CFAP47: variants seen among roughly 807,000 people sequenced by gnomAD.
The protein encoded by CFAP47 is cilia and flagella associated protein 47.
Under a neutral mutation model 148.1 loss-of-function variants are expected in CFAP47, and 29 were observed. The ratio of observed to expected loss-of-function variants is 0.20; its 90% CI spans 0.15 to 0.27. The LOEUF is 0.27. CFAP47 is among the 10% of genes least tolerant of loss of function. CFAP47 has a pLI of 1.00. For synonymous variants in CFAP47, 664 were observed against 577.3 expected (o/e 1.15, Z -2.15); for missense variants, 1,872 against 1,697.5 (o/e 1.10, Z -1.81).
chrX:36,284,618 C>T, intron 50 of CFAP47, among the ~76,000 whole-genome samples: 1 of 111,394 alleles, frequency 9.0e-6, no homozygotes, highest in Non-Finnish European at 1.9e-5. Flanking sequence ...CCATACAATA[C>T]AGTACAATGC....
intron 33 of CFAP47, among the ~76,000 whole-genome samples, chrX:36,115,713 G>A (rs1260186177): frequency 9.0e-6 from 1 of 111,490 alleles, no homozygotes; most frequent in Non-Finnish European, 1.9e-5. Context: ...TATTTAAACT[G>A]TGGATTTATA....
At chrX:36,166,229 T>C (rs1939487578) in intron 39 of CFAP47, among the ~76,000 whole-genome samples, 1 of 111,152 alleles carries the variant, frequency 9.0e-6, no homozygotes, top group African/African-American at 3.3e-5. Context: ...GTAATTTCAT[T>C]GCCCACATTT....
chrX:35,940,127 C>T (rs181102964), intron 2 of CFAP47, among the ~76,000 whole-genome samples: 1 of 111,175 alleles, frequency 9.0e-6, no homozygotes, highest in Non-Finnish European at 1.9e-5. Flanking sequence ...CCTTCACCCA[C>T]TTTTTGATGG....
chrX:36,310,706 C>A, intron 55 of CFAP47, 127 bp from the exon 56 acceptor site: 1 of 346,019 alleles, frequency 2.9e-6, no homozygotes, highest in Non-Finnish European at 4.9e-6. Context: ...AAAAATAAAA[C>A]AATGCTTTTT....
At chrX:36,072,941 G>A (rs1373595803) in intron 28 of CFAP47, among the ~76,000 whole-genome samples, 198 bp from the exon 29 acceptor site, 1 of 111,542 alleles carries the variant, frequency 9.0e-6, no homozygotes, top group Non-Finnish European at 1.9e-5. Context: ...TTGTTAAAAC[G>A]TTTCTCTTAG....
intron 50 of CFAP47, among the ~76,000 whole-genome samples, chrX:36,284,675 A>G (rs1941113786): frequency 8.9e-6 from 1 of 111,834 alleles, no homozygotes; most frequent in Non-Finnish European, 1.9e-5. Flanking sequence ...AGAGAGAAAC[A>G]CTGAGAATTC....
chrX:35,929,620 G>A (rs1046845125), intron 2 of CFAP47, among the ~76,000 whole-genome samples: 1 of 111,150 alleles, frequency 9.0e-6, no homozygotes, highest in Non-Finnish European at 1.9e-5. Context: ...ATTCGTTTGT[G>A]TGTTTTTTCC....
intron 40 of CFAP47, among the ~76,000 whole-genome samples, chrX:36,184,004 A>G (rs1418224290): frequency 9.0e-6 from 1 of 110,983 alleles, no homozygotes; most frequent in Non-Finnish European, 1.9e-5. Context: ...AAAAACATAA[A>G]GATAAATAAG....
intron 39 of CFAP47, among the ~76,000 whole-genome samples, chrX:36,171,635 C>G (rs1050777619): frequency 9.9e-5 from 11 of 111,108 alleles, no homozygotes; most frequent in Non-Finnish European, 2.1e-4. Context: ...TCTGAGGGCT[C>G]TGTTCTGTTC....
chrX:36,123,246 C>T (rs1348033678), intron 33 of CFAP47, among the ~76,000 whole-genome samples: 1 of 112,418 alleles, frequency 8.9e-6, no homozygotes, highest in African/African-American at 3.2e-5. Context: ...GTGGTGAGCA[C>T]AGCACTGGGT....
At chrX:36,362,195 G>T (rs1286804335) in intron 61 of CFAP47, among the ~76,000 whole-genome samples, 4 of 112,474 alleles carry the variant, frequency 3.6e-5, no homozygotes, top group Non-Finnish European at 5.6e-5. Flanking sequence ...TGTTTTTAAT[G>T]ATTTCTTTTT....
intron 27 of CFAP47, among the ~76,000 whole-genome samples, chrX:36,066,705 G>C: frequency 8.9e-6 from 1 of 111,818 alleles, no homozygotes; most frequent in Non-Finnish European, 1.9e-5. Flanking sequence ...TAGCTGCTTT[G>C]AGTGAGCATC....
chrX:36,054,223 G>A (rs1359929396), intron 26 of CFAP47, among the ~76,000 whole-genome samples: 1 of 111,730 alleles, frequency 9.0e-6, no homozygotes, highest in South Asian at 3.7e-4. Flanking sequence ...CCCCACTGTG[G>A]CTACCCAGTT....
chrX:36,207,654 A>G (rs1940053509), intron 45 of CFAP47, among the ~76,000 whole-genome samples: 1 of 111,192 alleles, frequency 9.0e-6, no homozygotes, highest in African/African-American at 3.3e-5. Flanking sequence ...ATTTTACATT[A>G]TTGCTCTTTT....
intron 14 of CFAP47, 95 bp downstream of exon 14, chrX:35,975,458 A>G: frequency 1.5e-6 from 1 of 655,694 alleles, no homozygotes; most frequent in Non-Finnish European, 2.3e-6. Context: ...TGTATATTAT[A>G]TTTGTTCTCC....
At chrX:36,004,484 G>A (rs988107484) in intron 21 of CFAP47, among the ~76,000 whole-genome samples, 2 of 111,149 alleles carry the variant, frequency 1.8e-5, no homozygotes, top group Non-Finnish European at 3.8e-5. Context: ...ATTCACAATA[G>A]CTTAAAAGTA....
rs1376239521 is a variant in CFAP47, at chrX:36,385,190, G to A, written c.*184G>A. ...CATTTGTGAGTTATGAATGTTTTTT[G>A]GTTGCGAACATTGGAATTGGTTCAC... On this transcript the variant is annotated 3_prime_UTR_variant, in exon 64 of 64. Transcript: ENST00000378653. 5.2e-6 allele frequency: 2 copies of A among 385,415 alleles called. No individual in the cohort carries two copies. The highest frequency in any genetic ancestry group is 8.9e-6 in the Non-Finnish European group (2 of 223,787). 31.8% of individuals were successfully genotyped at this position (385,415 alleles called of 1,213,427 possible).
intron 51 of CFAP47, among the ~76,000 whole-genome samples, chrX:36,295,312 C>T (rs1941232038): frequency 8.9e-6 from 1 of 111,867 alleles, no homozygotes; most frequent in African/African-American, 3.2e-5. Flanking sequence ...AGGAATATGC[C>T]ATTTGCAAAA....
chrX:36,117,845 A>C (rs2146809643), intron 33 of CFAP47, among the ~76,000 whole-genome samples: 1 of 111,576 alleles, frequency 9.0e-6, no homozygotes, highest in African/African-American at 3.3e-5. Context: ...GTTTTCCTTA[A>C]GTTTTTTTGT....
Sources: gnomAD v4.1 joint callset for allele counts (sites outside exome capture counted in the v4.1 genomes callset) on GRCh38, gnomAD v4.1.1 for gene constraint, MANE v1.5 for transcripts, NCBI Gene and HGNC (gene_info 2026-07-23, HGNC 2026-07-21) for gene names.